The following CPB2 variants were observed in gnomAD, a reference collection of about 807,000 sequenced individuals.
The protein encoded by CPB2 is carboxypeptidase B2.
In CPB2, 54 loss-of-function variants were observed where a neutral mutation model predicts 57.0. The ratio of observed to expected loss-of-function variants is 0.95; its 90% confidence interval spans 0.76 to 1.19. CPB2 has a LOEUF of 1.19. Among genes scored for constraint, CPB2 ranks in the 50% most tolerant of loss-of-function variants. CPB2 has a pLI of 0.00. For synonymous variants in CPB2, 189 were observed against 178.1 expected (o/e 1.06, Z -0.49); for missense variants, 426 against 512.0 (o/e 0.83, Z 1.62).
intron 1 of CPB2, among the ~76,000 whole-genome samples, chr13:46,094,539 T>G (rs942249020): frequency 6.6e-6 from 1 of 152,196 alleles, no homozygotes; most frequent in South Asian, 2.1e-4. Flanking sequence ...ATTACAGAAC[T>G]GAGCTCTCTG....
chr13:46,104,151 A>G (rs1027683677), intron 1 of CPB2, among the ~76,000 whole-genome samples: 1 of 152,144 alleles, frequency 6.6e-6, no homozygotes, highest in African/African-American at 2.4e-5. Context: ...CCTTTGCCCT[A>G]TGTCTCTTCT....
At chr13:46,073,387 A>T (rs539328063) in intron 6 of CPB2, 11 of 681,878 alleles carry the variant, frequency 1.6e-5, no homozygotes, top group Non-Finnish European at 1.8e-5. Flanking sequence ...TTGATGCAAA[A>T]CCCTTCTTCA....
intron 6 of CPB2, among the ~76,000 whole-genome samples, chr13:46,072,466 G>C (rs994473269): frequency 6.6e-6 from 1 of 152,030 alleles, no homozygotes; most frequent in African/African-American, 2.4e-5. Context: ...TGTTTCTTTG[G>C]GCTACACAAA....
chr13:46,067,457 G>C (rs1281053256), intron 6 of CPB2, 40 bp from the exon 7 acceptor site: 1 of 1,001,932 alleles, frequency 1.0e-6, no homozygotes, highest in Non-Finnish European at 1.6e-6. Flanking sequence ...GATGTTTTAA[G>C]TTCTTCTAAA....
In CPB2 at chr13:46,084,340, C is replaced by A. The variant is rs779404891; in HGVS notation, c.154G>T (p.Val52Phe). Residue 52 changes from valine (V) to phenylalanine (F), a missense_variant, in exon 3 of 11, where the codon GTT (valine) becomes TTT (phenylalanine). Coordinates refer to ENST00000181383, the MANE Select transcript of CPB2 (RefSeq NM_001872.5). ...LQNLTTTYEI[V>F]LWQPVTADLI... is the part of the protein sequence containing the mutation. ...TCAGCTGTTACCGGCTGCCAGAGAA[C>A]AATCTACAGTTTAAGGGGCAAAATT... 2.5e-6 allele frequency: 4 copies of A among 1,613,984 alleles called. No homozygotes were observed. The South Asian group carries it at 4.4e-5, about 18-fold the overall frequency.
intron 1 of CPB2, among the ~76,000 whole-genome samples, chr13:46,096,884 GCATCTCATCATA>G (rs1231707707): frequency 6.6e-6 from 1 of 152,186 alleles, no homozygotes. Flanking sequence ...CTTCAGTGTT[GCATCTCATCATA>G]CACCTTGGGT....
chr13:46,086,264 G>C (rs1022848273), intron 2 of CPB2, among the ~76,000 whole-genome samples: 1 of 152,210 alleles, frequency 6.6e-6, no homozygotes, highest in Non-Finnish European at 1.5e-5. Context: ...AGCTCTGTTT[G>C]TGTTAGAGCT....
At chr13:46,056,833 C>CT in intron 9 of CPB2, among the ~76,000 whole-genome samples, 1 of 152,286 alleles carries the variant, frequency 6.6e-6, no homozygotes, top group African/African-American at 2.4e-5. Flanking sequence ...TTTTCCCCCC[C>CT]TTAATAGATT....
rs931684713 is a variant in CPB2, at chr13:46,077,965, T to A, written c.486+835A>T. On this transcript the variant is annotated intron_variant, in intron 5 of 10. Coordinates refer to ENST00000181383, the MANE Select transcript of CPB2 (RefSeq NM_001872.5). The stretch of plus-strand genomic sequence containing the variant: ...GGATAAAGAGAGATTAATTAGTGGG[T>A]ACAAAATAGATAGAAGGAATAAGTT... 3.9e-4 allele frequency among the ~76,000 whole-genome samples: 59 copies of A among 152,152 alleles called. 4 individuals carry two copies. Among genetic ancestry groups the A allele is most frequent in the Middle Eastern group, 3.4e-3 (1 of 294 alleles).
chr13:46,072,357 C>A (rs952299836), intron 6 of CPB2, among the ~76,000 whole-genome samples: 3 of 152,096 alleles, frequency 2.0e-5, no homozygotes, highest in Non-Finnish European at 4.4e-5. Flanking sequence ...TTTCCCTCCT[C>A]CAGTGCTTTG....
At chr13:46,094,622 G>A (rs543230808) in intron 1 of CPB2, among the ~76,000 whole-genome samples, 2 of 152,226 alleles carry the variant, frequency 1.3e-5, no homozygotes, top group South Asian at 4.1e-4. Flanking sequence ...TAACAAGTTG[G>A]GCACAGTTAT....
chr13:46,079,551 A>AAAAAAAAAAAAAAAAAAAAAAAAG (rs2045078862), intron 4 of CPB2, among the ~76,000 whole-genome samples: 16 of 124,704 alleles, frequency 1.3e-4, no homozygotes, highest in Non-Finnish European at 1.9e-4. Context: ...AAAAAAAAAA[A>AAAAAAAAAAAAAAAAAAAAAAAAG]AAAAGAAAAG....
chr13:46,066,645 C>A (rs1299226587), intron 7 of CPB2, among the ~76,000 whole-genome samples: 1 of 152,032 alleles, frequency 6.6e-6, no homozygotes, highest in African/African-American at 2.4e-5. Context: ...GAGTTTGAGA[C>A]CAGCCTGGCC....
At position 46,053,798 on chromosome 13, in the gene CPB2, TCTAAAAGAAG is replaced by T. The variant is rs767249150; in HGVS notation, c.1088-10_1088-1del. On this transcript the variant is annotated splice_acceptor_variant and splice_polypyrimidine_tract_variant and intron_variant, in intron 10 of 10. Transcript: ENST00000181383. LOFTEE classifies it high-confidence loss of function. ...ATCGTCCCCACCTCCAGGAGCTAGG[TCTAAAAGAAG>T]AAGAAAGAAATTGTTGAAATACAGA... The T allele has an allele frequency of 3.1e-6, 5 of 1,610,444 alleles. No homozygotes were observed. In the African/African-American group the frequency reaches 5.4e-5, roughly 17 times the overall value.
intron 8 of CPB2, among the ~76,000 whole-genome samples, chr13:46,061,798 T>C (rs1021202337): frequency 1.4e-4 from 22 of 152,052 alleles, no homozygotes; most frequent in African/African-American, 4.8e-4. Flanking sequence ...CACACAAAAT[T>C]TTAATACAGA....
intron 8 of CPB2, among the ~76,000 whole-genome samples, chr13:46,061,994 A>G (rs2044779894): frequency 6.6e-6 from 1 of 151,076 alleles, no homozygotes. Context: ...GTTGGTAATA[A>G]GGACAGTTCC....
chr13:46,061,660 A>G (rs570634867), intron 8 of CPB2, among the ~76,000 whole-genome samples: 3 of 152,288 alleles, frequency 2.0e-5, no homozygotes, highest in South Asian at 4.1e-4. Flanking sequence ...TGGACTCCCA[A>G]TCCTCAACTG....
At chr13:46,066,087 T>C (rs764408288) in intron 7 of CPB2, among the ~76,000 whole-genome samples, 3 of 152,212 alleles carry the variant, frequency 2.0e-5, no homozygotes, top group South Asian at 4.1e-4. Flanking sequence ...CTGTGCCATT[T>C]CCATATCTTC....
intron 1 of CPB2, among the ~76,000 whole-genome samples, chr13:46,093,470 C>G (rs1229639304): frequency 6.6e-6 from 1 of 152,116 alleles, no homozygotes; most frequent in East Asian, 1.9e-4. Context: ...GAATGCTCAG[C>G]AGTAACAGAA....
Sources: gnomAD v4.1 joint callset for allele counts (sites outside exome capture counted in the v4.1 genomes callset) on GRCh38, gnomAD v4.1.1 for gene constraint, MANE v1.5 for transcripts, NCBI Gene and HGNC (gene_info 2026-07-23, HGNC 2026-07-21) for gene names.